Variants in SHROOM2 observed in about 807,000 individuals in gnomAD.
SHROOM2 encodes the protein protein Shroom2.
In SHROOM2, 33 loss-of-function variants were observed where a neutral mutation model predicts 75.9. The ratio of observed to expected loss-of-function variants is 0.43; its 90% CI spans 0.33 to 0.58. SHROOM2 has a LOEUF of 0.58. Ranked by LOEUF, SHROOM2 falls within the 20% of genes least tolerant of loss-of-function variation. SHROOM2 has a pLI of 0.04. For missense variants in SHROOM2, 1,434 were observed against 1,461.2 expected, an observed-to-expected ratio of 0.98 and a Z score of 0.30; for synonymous variants, 655 against 663.6, an observed-to-expected ratio of 0.99 and a Z score of 0.20.
intron 5 of SHROOM2, among the ~76,000 whole-genome samples, chrX:9,908,946 A>G (rs111329958): frequency 3.7e-5 from 4 of 107,196 alleles, no homozygotes; most frequent in African/African-American, 1.4e-4. Context: ...CTCTCTCAAA[A>G]ATAAATAAAT....
chrX:9,884,372 T>C (rs1601965249), intron 2 of SHROOM2, among the ~76,000 whole-genome samples: 2 of 106,968 alleles, frequency 1.9e-5, no homozygotes, highest in East Asian at 5.8e-4. Context: ...TCTTTTCTTT[T>C]TTTTTTTTTT....
At chrX:9,795,363 A>G (rs1409233975) in intron 1 of SHROOM2, among the ~76,000 whole-genome samples, 11 of 111,740 alleles carry the variant, frequency 9.8e-5, no homozygotes. Flanking sequence ...TAATCTTTCC[A>G]TTAAGTTTTA....
chrX:9,846,496 CGT>C (rs1208956967), intron 1 of SHROOM2, among the ~76,000 whole-genome samples: 2 of 111,489 alleles, frequency 1.8e-5, no homozygotes, highest in Non-Finnish European at 3.8e-5. Flanking sequence ...GGCGTTTCAC[CGT>C]GTTAGCCAGG....
At chrX:9,845,574 C>G (rs1383258267) in intron 1 of SHROOM2, among the ~76,000 whole-genome samples, 2 of 104,045 alleles carry the variant, frequency 1.9e-5, no homozygotes, top group Non-Finnish European at 3.9e-5. Context: ...TTTATTGTAT[C>G]TACTTGGGCA....
chrX:9,909,540 C>T (rs1815368434), intron 5 of SHROOM2, among the ~76,000 whole-genome samples: 1 of 112,212 alleles, frequency 8.9e-6, no homozygotes, highest in African/African-American at 3.2e-5. Flanking sequence ...ATACCAACTT[C>T]ACCAGGCGAT....
chrX:9,934,231 CCGTCCTGGACAGGACAG>C (rs1297707037), intron 6 of SHROOM2, among the ~76,000 whole-genome samples: 1 of 111,936 alleles, frequency 8.9e-6, no homozygotes, highest in Non-Finnish European at 1.9e-5. Context: ...CGGGTGGCTG[CCGTCCTGGACAGGACAG>C]ATAACAGGTA....
intron 1 of SHROOM2, among the ~76,000 whole-genome samples, chrX:9,817,171 C>T (rs961819278): frequency 5.5e-5 from 6 of 109,716 alleles, no homozygotes; most frequent in Admixed American, 3.9e-4. Flanking sequence ...CAGGATTTCA[C>T]GATGTTGGCC....
At chrX:9,876,326 C>T (rs2084200747) in intron 2 of SHROOM2, among the ~76,000 whole-genome samples, 1 of 112,299 alleles carries the variant, frequency 8.9e-6, no homozygotes, top group Admixed American at 9.4e-5. Context: ...ACTTCTGTGA[C>T]CAAATGTGCA....
rs1389275519 is a variant in SHROOM2 at position 9,937,142 on chromosome X, G to T, written c.3596G>T (p.Arg1199Leu). The T allele has an allele frequency of 8.4e-7, 1 of 1,192,097 alleles. No homozygotes were observed. The highest frequency in any genetic ancestry group is 3.0e-5 in the East Asian group (1 of 32,984). Reference sequence around the variant, plus strand: ...GACTGTTCATCTTCCAGAATTGAGCGGGTGATGGACAACAACACCACGGTG... The same window carrying T: ...GACTGTTCATCTTCCAGAATTGAGCTGGTGATGGACAACAACACCACGGTG... ...IQDEDSTRIERVMDNNTTVKM... is the reference protein window; with the variant it reads ...IQDEDSTRIELVMDNNTTVKM... The change falls in exon 7 of 10, where the codon CGG (arginine) becomes CTG (leucine). Residue 1199 changes from arginine to leucine, a missense_variant. Transcript: ENST00000380913.
intron 1 of SHROOM2, among the ~76,000 whole-genome samples, chrX:9,815,706 T>C (rs906197427): frequency 9.1e-6 from 1 of 109,677 alleles, no homozygotes; most frequent in African/African-American, 3.3e-5. Context: ...GTCCCAAAAC[T>C]GAAGAACTTG....
chrX:9,833,478 G>A (rs1241986620), intron 1 of SHROOM2, among the ~76,000 whole-genome samples: 1 of 111,036 alleles, frequency 9.0e-6, no homozygotes, highest in Admixed American at 9.6e-5. Context: ...ATGAATCACT[G>A]TACACATTTT....
At chrX:9,877,920 C>G (rs1182010514) in intron 2 of SHROOM2, among the ~76,000 whole-genome samples, 1 of 111,239 alleles carries the variant, frequency 9.0e-6, no homozygotes, top group African/African-American at 3.3e-5. Flanking sequence ...ATCCTATCCA[C>G]TCGGTGCCAG....
At chrX:9,793,305 T>A (rs948600830) in intron 1 of SHROOM2, among the ~76,000 whole-genome samples, 8 of 110,263 alleles carry the variant, frequency 7.3e-5, no homozygotes, top group African/African-American at 2.6e-4. Context: ...ACTCTTTTTT[T>A]TTTTTTGAAA....
At chrX:9,832,347 A>G (rs2083920979) in intron 1 of SHROOM2, among the ~76,000 whole-genome samples, 2 of 111,212 alleles carry the variant, frequency 1.8e-5, no homozygotes, top group African/African-American at 3.3e-5. Flanking sequence ...CCTCTGCAGC[A>G]CACCCCTCCT....
intron 1 of SHROOM2, among the ~76,000 whole-genome samples, 154 bp downstream of exon 1, chrX:9,786,864 C>G (rs1470965021): frequency 2.7e-5 from 3 of 111,860 alleles, no homozygotes; most frequent in Non-Finnish European, 3.8e-5. Flanking sequence ...GGCGCCGGGA[C>G]CGGCGTGGGC....
chrX:9,869,520 T>C (rs1452634829), intron 1 of SHROOM2, among the ~76,000 whole-genome samples: 1 of 111,879 alleles, frequency 8.9e-6, no homozygotes, highest in Non-Finnish European at 1.9e-5. Flanking sequence ...TTTCTCTGTC[T>C]ATCCTTTTGA....
chrX:9,790,740 TC>T (rs1410422003), intron 1 of SHROOM2, among the ~76,000 whole-genome samples: 5 of 112,182 alleles, frequency 4.5e-5, no homozygotes, highest in African/African-American at 1.3e-4. Flanking sequence ...GAGCTTTCTT[TC>T]CTGTGCTGAA....
rs199860180 is a variant in SHROOM2, at chrX:9,873,652, A to G, written c.166A>G (p.Ile56Val). Reference protein sequence around the residue: ...EHGEPLVITKIEEGSKAAAVD... With the variant: ...EHGEPLVITKVEEGSKAAAVD... ...CATGGAACATGCTTCTCTGTTACAG[A>G]TTGAAGAGGGCAGTAAAGCCGCGGC... The change falls in exon 2 of 10, where the codon ATT (isoleucine) becomes GTT (valine). Residue 56 changes from isoleucine to valine, a missense_variant and splice_region_variant. By Grantham distance (29) the Ile-to-Val change is conservative (BLOSUM62 3). Coordinates refer to ENST00000380913, the MANE Select transcript of SHROOM2 (RefSeq NM_001649.4). The G allele has an allele frequency of 6.6e-5, 80 of 1,210,241 alleles. No individual in the cohort carries two copies. The East Asian group carries it at 2.3e-3, about 35-fold the overall frequency.
At chrX:9,799,392 CT>C (rs1229682706) in intron 1 of SHROOM2, among the ~76,000 whole-genome samples, 3 of 110,316 alleles carry the variant, frequency 2.7e-5, no homozygotes, top group Non-Finnish European at 3.8e-5. Context: ...TCTCGAACTC[CT>C]GACCTCAGGT....
Sources: gnomAD v4.1 joint callset for allele counts (sites outside exome capture counted in the v4.1 genomes callset) on GRCh38, gnomAD v4.1.1 for gene constraint, MANE v1.5 for transcripts, NCBI Gene and HGNC (gene_info 2026-07-23, HGNC 2026-07-21) for gene names.